MED12L: variants seen among roughly 807,000 people sequenced by gnomAD.
MED12L encodes mediator complex subunit 12L.
Under a neutral mutation model 281.3 loss-of-function variants are expected in MED12L, and 60 were observed. The ratio of observed to expected loss-of-function variants is 0.21; its 90% CI spans 0.17 to 0.26. MED12L has a LOEUF of 0.26. Ranked by LOEUF, MED12L falls within the 10% of genes least tolerant of loss-of-function variation. The pLI is 1.00. For missense variants in MED12L, 2,146 were observed against 2,680.9 expected (o/e 0.80, Z 4.41); for synonymous variants, 974 against 987.2 (o/e 0.99, Z 0.25).
chr3:151,193,829 T>A, intron 16 of MED12L, 163 bp downstream of exon 16: 2 of 553,092 alleles, frequency 3.6e-6, no homozygotes, highest in Non-Finnish European at 3.1e-6. Context: ...TAAGCTTATG[T>A]ACTGAGGTTG....
At chr3:151,238,113 G>A (rs994931029) in intron 16 of MED12L, among the ~76,000 whole-genome samples, 9 of 151,588 alleles carry the variant, frequency 5.9e-5, no homozygotes, top group African/African-American at 2.2e-4. Context: ...CTGTCCTAAA[G>A]TTTAGAACAG....
intron 27 of MED12L, among the ~76,000 whole-genome samples, chr3:151,373,530 A>T (rs779365571): frequency 6.7e-6 from 1 of 150,242 alleles, no homozygotes; most frequent in Non-Finnish European, 1.5e-5. Flanking sequence ...TGCCCAGTCT[A>T]GTCTTTACTA....
chr3:151,419,752 C>A (rs913236995), intron 43 of MED12L, among the ~76,000 whole-genome samples: 3 of 152,192 alleles, frequency 2.0e-5, no homozygotes, highest in African/African-American at 4.8e-5. Flanking sequence ...TTCCTGCAAC[C>A]GGAAACGCAC....
chr3:151,269,108 G>A (rs992640391), intron 16 of MED12L, among the ~76,000 whole-genome samples: 1 of 152,010 alleles, frequency 6.6e-6, no homozygotes, highest in African/African-American at 2.4e-5. Context: ...ATATATTGAC[G>A]ACGTACAAAA....
chr3:151,101,634 G>T (rs1381140994), intron 2 of MED12L, among the ~76,000 whole-genome samples: 2 of 151,580 alleles, frequency 1.3e-5, no homozygotes, highest in East Asian at 3.9e-4. Context: ...AAAGCTGGAA[G>T]GGAGGAGGAG....
chr3:151,100,657 G>T (rs969819952), intron 2 of MED12L, among the ~76,000 whole-genome samples: 2 of 152,158 alleles, frequency 1.3e-5, no homozygotes, highest in African/African-American at 4.8e-5. Context: ...TTATTTGACA[G>T]TATGGAGTCA....
chr3:151,245,979 GACAA>G (rs1196265943), intron 16 of MED12L, among the ~76,000 whole-genome samples: 27 of 150,950 alleles, frequency 1.8e-4, no homozygotes, highest in African/African-American at 5.1e-4. Context: ...ACCAGCAACA[GACAA>G]ACAGAGAGCC....
At chr3:151,315,489 G>C (rs1010187104) in intron 16 of MED12L, among the ~76,000 whole-genome samples, 1 of 152,162 alleles carries the variant, frequency 6.6e-6, no homozygotes, top group Non-Finnish European at 1.5e-5. Flanking sequence ...CCTTAAATAT[G>C]AAATTCAGCC....
At chr3:151,369,700 C>T in intron 26 of MED12L, 151 bp downstream of exon 26, 2 of 513,244 alleles carry the variant, frequency 3.9e-6, no homozygotes, top group South Asian at 3.0e-5. Flanking sequence ...TTCTCCTAGA[C>T]CAAATACATC....
intron 24 of MED12L, 112 bp from the exon 25 acceptor site, chr3:151,368,038 T>C: frequency 1.0e-6 from 1 of 956,668 alleles, no homozygotes; most frequent in Non-Finnish European, 1.6e-6. Flanking sequence ...TTTCTTACCA[T>C]AAGGAAAATT....
At chr3:151,406,802 C>CTTTT (rs36114038) in intron 39 of MED12L, among the ~76,000 whole-genome samples, 21 of 137,346 alleles carry the variant, frequency 1.5e-4, no homozygotes, top group East Asian at 2.1e-4. Flanking sequence ...TCTTCTTCTT[C>CTTTT]TTTTTTTTTT....
At chr3:151,188,261 G>A in intron 12 of MED12L, 93 bp from the exon 13 acceptor site, 1 of 914,320 alleles carries the variant, frequency 1.1e-6, no homozygotes, top group Admixed American at 2.3e-5. Flanking sequence ...TGTTTTACCT[G>A]AGCACTTAAA....
At chr3:151,102,703 A>G (rs1721536044) in intron 2 of MED12L, among the ~76,000 whole-genome samples, 1 of 152,136 alleles carries the variant, frequency 6.6e-6, no homozygotes. Flanking sequence ...GAATTCCTGG[A>G]CAATCAAGTG....
In MED12L at chr3:151,390,467, A is replaced by G. The variant is rs557784529; in HGVS notation, c.5608+332A>G. Among the ~76,000 whole-genome samples, 19 of 152,240 alleles carry G rather than the reference A, an allele frequency of 1.2e-4. 1 individual carries two copies. The highest frequency in any genetic ancestry group is 3.9e-4 in the Admixed American group (6 of 15,280). On this transcript the variant is annotated intron_variant, in intron 38 of 44. Transcript: ENST00000687756. ...ATATAATTCTTATTGGCATTTTAAAAGATTACACAATATTGCACAGTGTCT... is the reference window on the plus strand; with the variant it reads ...ATATAATTCTTATTGGCATTTTAAAGGATTACACAATATTGCACAGTGTCT...
intron 16 of MED12L, among the ~76,000 whole-genome samples, chr3:151,345,517 C>CTTTTTT (rs201731496): frequency 2.7e-4 from 35 of 131,616 alleles, no homozygotes; most frequent in East Asian, 4.2e-4. Context: ...TTTTCTTTTT[C>CTTTTTT]TTTTTTTTTT....
chr3:151,359,979 G>A (rs1327664787), intron 20 of MED12L, among the ~76,000 whole-genome samples: 2 of 152,134 alleles, frequency 1.3e-5, no homozygotes, highest in Non-Finnish European at 1.5e-5. Context: ...ATACATAGGG[G>A]AATGTATACA....
At chr3:151,155,976 G>T (rs1240679338) in intron 5 of MED12L, among the ~76,000 whole-genome samples, 185 bp from the exon 6 acceptor site, 1 of 152,178 alleles carries the variant, frequency 6.6e-6, no homozygotes, top group Admixed American at 6.5e-5. Flanking sequence ...ACTAGCATGC[G>T]TTCTCTAAGG....
At chr3:151,218,710 T>TA (rs1014319454) in intron 16 of MED12L, among the ~76,000 whole-genome samples, 9 of 151,084 alleles carry the variant, frequency 6.0e-5, no homozygotes, top group African/African-American at 1.5e-4. Flanking sequence ...CTACTAAAAA[T>TA]AAAAAAATTA....
At chr3:151,122,597 T>C (rs1713922903) in intron 3 of MED12L, among the ~76,000 whole-genome samples, 186 bp from the exon 4 acceptor site, 1 of 152,198 alleles carries the variant, frequency 6.6e-6, no homozygotes, top group African/African-American at 2.4e-5. Flanking sequence ...GGTATAAAGG[T>C]GCTGTGTATC....
Sources: allele counts gnomAD v4.1 joint callset (sites outside exome capture counted in the v4.1 genomes callset), GRCh38; gene constraint gnomAD v4.1.1; transcripts MANE v1.5; gene names NCBI Gene and HGNC (gene_info 2026-07-23, HGNC 2026-07-21).